Variants in ZRANB3 observed in about 807,000 individuals in gnomAD.
The protein encoded by ZRANB3 is DNA annealing helicase and endonuclease ZRANB3.
ZRANB3 carries 125 observed loss-of-function variants against 133.8 expected under a neutral mutation model. That is an observed-to-expected ratio of 0.93 (90% confidence interval 0.81 to 1.08). The LOEUF is 1.08. ZRANB3 is among the 50% of genes least tolerant of loss of function. ZRANB3 has a pLI of 0.00. For synonymous variants in ZRANB3, 387 were observed against 432.7 expected, an observed-to-expected ratio of 0.89 and a Z score of 1.31; for missense variants, 1,229 against 1,275.5, an observed-to-expected ratio of 0.96 and a Z score of 0.56.
intron 2 of ZRANB3, among the ~76,000 whole-genome samples, chr2:135,446,831 A>G (rs1405642857): frequency 6.6e-6 from 1 of 152,194 alleles, no homozygotes; most frequent in Non-Finnish European, 1.5e-5. Context: ...GAACTGGAGT[A>G]GAAAAGGTGT....
intron 6 of ZRANB3, among the ~76,000 whole-genome samples, chr2:135,316,758 G>A (rs554823340): frequency 2.6e-4 from 39 of 152,132 alleles, no homozygotes; most frequent in Non-Finnish European, 4.3e-4. Flanking sequence ...ACGAGGTGAA[G>A]AGATTGAGAC....
At chr2:135,401,348 T>A (rs1164324271) in intron 2 of ZRANB3, among the ~76,000 whole-genome samples, 1 of 152,208 alleles carries the variant, frequency 6.6e-6, no homozygotes, top group African/African-American at 2.4e-5. Flanking sequence ...CCAAAGTTGA[T>A]GTGATCTTTA....
At chr2:135,259,549 G>T (rs1172386533) in intron 12 of ZRANB3, among the ~76,000 whole-genome samples, 1 of 152,176 alleles carries the variant, frequency 6.6e-6, no homozygotes, top group Non-Finnish European at 1.5e-5. Flanking sequence ...CTCCTGAGTA[G>T]CTGGGATTAC....
intron 2 of ZRANB3, among the ~76,000 whole-genome samples, chr2:135,394,394 C>T (rs1373891358): frequency 6.6e-6 from 1 of 151,940 alleles, no homozygotes; most frequent in Non-Finnish European, 1.5e-5. Context: ...TTTAATGGAC[C>T]ATATACACTC....
chr2:135,346,655 C>T (rs1684944512), intron 5 of ZRANB3, among the ~76,000 whole-genome samples: 1 of 151,974 alleles, frequency 6.6e-6, no homozygotes, highest in African/African-American at 2.4e-5. Context: ...CCATGTTGCC[C>T]AGTAAGAAGA....
rs1398254139 is a variant in ZRANB3 at position 135,315,423 on chromosome 2, A to G, written c.785T>C (p.Leu262Ser). Residue 262 changes from leucine to serine, a missense_variant, in exon 7 of 21, where the codon TTA becomes TCA. Physicochemically the swap from Leu to Ser is moderately radical, Grantham distance 145 (BLOSUM62 -2). Transcript: ENST00000264159. ...IMIRRLKTEV[L>S]TQLPPKVRQR... ...TCTGACTTTAGGGGGTAGCTGGGTT[A>G]AAACTTCAGTCTTTAATCTTCTAAT... is the stretch of plus-strand genomic sequence containing the variant. The G allele has an allele frequency of 6.2e-7, 1 of 1,606,502 alleles. No homozygotes were observed. Among genetic ancestry groups the G allele is most frequent in the Non-Finnish European group, 8.5e-7 (1 of 1,177,212 alleles).
chr2:135,380,213 G>T (rs995580906), intron 3 of ZRANB3, among the ~76,000 whole-genome samples: 1 of 151,930 alleles, frequency 6.6e-6, no homozygotes, highest in African/African-American at 2.4e-5. Flanking sequence ...AATAATAATG[G>T]GAGACTTTTA....
Position 135,351,541 on chromosome 2 carries a change from G to A in ZRANB3, c.360-1326C>T, listed in dbSNP as rs1006658436. On this transcript the variant is annotated intron_variant, in intron 4 of 20. Coordinates refer to ENST00000264159, the MANE Select transcript of ZRANB3 (RefSeq NM_032143.4). ...CAGGCGTGAGCCACCGTGCCTGGCC[G>A]AGACCTATAATTTTCTCACTGTATT... is the stretch of plus-strand genomic sequence containing the variant. 4.6e-5 allele frequency among the ~76,000 whole-genome samples: 7 copies of A among 152,056 alleles called. No homozygotes were observed. In the East Asian group the frequency reaches 7.7e-4, roughly 17 times the overall value.
rs772410385 is a variant in ZRANB3 at position 135,217,453 on chromosome 2, G to C, written c.2495+12C>G. On this transcript the variant is annotated intron_variant, in intron 17 of 20. Coordinates refer to ENST00000264159, the MANE Select transcript of ZRANB3 (RefSeq NM_032143.4). Reference sequence around the variant, plus strand: ...TAATATAATACAAAATTTAAAAAAAGACAACTCATACCTTTTGGTGCAATT... The same window carrying C: ...TAATATAATACAAAATTTAAAAAAACACAACTCATACCTTTTGGTGCAATT... 6.3e-7 allele frequency: 1 copy of C among 1,587,598 alleles called. No homozygotes were observed. Among genetic ancestry groups the C allele is most frequent in the East Asian group, 2.2e-5 (1 of 44,470 alleles).
chr2:135,466,628 C>A (rs1467896314), intron 2 of ZRANB3, among the ~76,000 whole-genome samples: 2 of 151,558 alleles, frequency 1.3e-5, no homozygotes, highest in African/African-American at 4.8e-5. Context: ...ATTAAATGAT[C>A]CATAATAGTA....
intron 3 of ZRANB3, among the ~76,000 whole-genome samples, chr2:135,387,698 A>C (rs957919175): frequency 1.3e-5 from 2 of 152,220 alleles, no homozygotes; most frequent in African/African-American, 4.8e-5. Flanking sequence ...GAAAAGAGAG[A>C]AGTAATTAAG....
chr2:135,270,554 A>C (rs994657538), intron 10 of ZRANB3, among the ~76,000 whole-genome samples: 1 of 152,186 alleles, frequency 6.6e-6, no homozygotes, highest in Admixed American at 6.5e-5. Context: ...AGCTCTAAGT[A>C]CTTCATTTCT....
intron 2 of ZRANB3, among the ~76,000 whole-genome samples, chr2:135,421,764 G>C (rs1194393710): frequency 6.6e-6 from 1 of 151,936 alleles, no homozygotes; most frequent in African/African-American, 2.4e-5. Flanking sequence ...TGGCCTTTTA[G>C]CCCTCTTCTT....
At chr2:135,358,161 A>G (rs1024711101) in intron 3 of ZRANB3, among the ~76,000 whole-genome samples, 6 of 152,216 alleles carry the variant, frequency 3.9e-5, no homozygotes, top group African/African-American at 1.4e-4. Flanking sequence ...CTTAGTTTTT[A>G]TCCTTCCCAA....
intron 6 of ZRANB3, among the ~76,000 whole-genome samples, chr2:135,341,488 ATTGT>A (rs1684660941): frequency 2.0e-5 from 3 of 149,962 alleles, no homozygotes; most frequent in African/African-American, 5.1e-5. Flanking sequence ...ATCTGCACAA[ATTGT>A]TTGTAGAGCA....
At chr2:135,231,640 T>C (rs1695020254) in intron 12 of ZRANB3, among the ~76,000 whole-genome samples, 1 of 151,906 alleles carries the variant, frequency 6.6e-6, no homozygotes, top group African/African-American at 2.4e-5. Flanking sequence ...AAACAAAAAT[T>C]AGCCAGGAGT....
intron 8 of ZRANB3, among the ~76,000 whole-genome samples, chr2:135,310,126 G>A (rs1319235460): frequency 1.3e-5 from 2 of 151,996 alleles, no homozygotes; most frequent in African/African-American, 4.8e-5. Context: ...TAGTAGAGAT[G>A]GGGTTTTGCC....
chr2:135,510,008 C>T (rs934187529), intron 1 of ZRANB3, among the ~76,000 whole-genome samples: 4 of 152,018 alleles, frequency 2.6e-5, no homozygotes, highest in African/African-American at 4.8e-5. Flanking sequence ...AACATACCAG[C>T]GAGAATCAAA....
intron 2 of ZRANB3, among the ~76,000 whole-genome samples, chr2:135,487,913 A>C (rs1434701446): frequency 6.6e-6 from 1 of 152,144 alleles, no homozygotes; most frequent in Non-Finnish European, 1.5e-5. Flanking sequence ...TGCAATCCAC[A>C]ACTTGGGCTA....
Sources: gnomAD v4.1 joint callset for allele counts (sites outside exome capture counted in the v4.1 genomes callset) on GRCh38, gnomAD v4.1.1 for gene constraint, MANE v1.5 for transcripts, NCBI Gene and HGNC (gene_info 2026-07-23, HGNC 2026-07-21) for gene names.